METAP1D: variants seen among roughly 807,000 people sequenced by gnomAD.
The protein encoded by METAP1D is methionyl aminopeptidase type 1D, mitochondrial, also known as methionine aminopeptidase 1D, mitochondrial.
Under a neutral mutation model 40.5 loss-of-function variants are expected in METAP1D, and 31 were observed. The ratio of observed to expected loss-of-function variants is 0.77; its 90% confidence interval spans 0.58 to 1.03. The LOEUF is 1.03. METAP1D is among the 50% of genes least tolerant of loss of function. The probability of loss-of-function intolerance (pLI) is 0.00; values close to 1 mark genes in which losing one functional copy is unlikely to be tolerated. For synonymous variants in METAP1D, 151 were observed against 146.4 expected, an observed-to-expected ratio of 1.03 and a Z score of -0.22; for missense variants, 411 against 420.7, an observed-to-expected ratio of 0.98 and a Z score of 0.20.
chr2:172,076,204 A>T (rs1559022658), intron 6 of METAP1D, among the ~76,000 whole-genome samples: 1 of 146,904 alleles, frequency 6.8e-6, no homozygotes, highest in Non-Finnish European at 1.5e-5. Flanking sequence ...AAGAACCTAG[A>T]TTTTTTTTTT....
At chr2:172,006,936 C>G (rs187744538) in intron 1 of METAP1D, among the ~76,000 whole-genome samples, 1 of 152,100 alleles carries the variant, frequency 6.6e-6, no homozygotes, top group African/African-American at 2.4e-5. Context: ...TTGTACATAT[C>G]AGTTCTAGAA....
chr2:172,037,688 T>C (rs542879104), intron 1 of METAP1D, among the ~76,000 whole-genome samples: 1 of 152,336 alleles, frequency 6.6e-6, no homozygotes, highest in South Asian at 2.1e-4. Context: ...GCTCAACAGT[T>C]GAGCTTCACT....
At chr2:172,051,988 A>G (rs1486311839) in intron 1 of METAP1D, among the ~76,000 whole-genome samples, 1 of 152,176 alleles carries the variant, frequency 6.6e-6, no homozygotes, top group African/African-American at 2.4e-5. Flanking sequence ...GATCTTTGTT[A>G]CTGTTTTAGT....
intron 1 of METAP1D, among the ~76,000 whole-genome samples, chr2:172,002,771 A>G (rs1206251441): frequency 1.3e-5 from 2 of 152,126 alleles, no homozygotes; most frequent in Non-Finnish European, 2.9e-5. Context: ...ACCCATCTAG[A>G]TTTATGTAAA....
In METAP1D at chr2:172,061,621, C is replaced by T. The variant is rs199719577; in HGVS notation, c.164C>T (p.Pro55Leu). 2.0e-5 allele frequency: 33 copies of T among 1,612,234 alleles called. No individual in the cohort carries two copies. Among genetic ancestry groups the T allele is most frequent in the South Asian group, 7.7e-5 (7 of 90,614 alleles). ...GATATTTCACACAGTATAGTTTTGC[C>T]GGCTGCAGTTTCTTCAGCTCATCCG... is the stretch of plus-strand genomic sequence containing the variant. ...QRDISHSIVLPAAVSSAHPVP... is the reference protein window; with the variant it reads ...QRDISHSIVLLAAVSSAHPVP... The change falls in exon 2 of 10, where the codon CCG (proline) becomes CTG (leucine). Residue 55 changes from proline (P) to leucine (L), a missense_variant. Coordinates refer to ENST00000315796, the MANE Select transcript of METAP1D (RefSeq NM_199227.3).
chr2:172,006,012 G>T (rs1688571776), intron 1 of METAP1D, among the ~76,000 whole-genome samples: 1 of 151,864 alleles, frequency 6.6e-6, no homozygotes, highest in South Asian at 2.1e-4. Flanking sequence ...TGTTGGTATG[G>T]AATGATGTCC....
intron 1 of METAP1D, among the ~76,000 whole-genome samples, chr2:172,018,032 C>T (rs528135144): frequency 5.5e-4 from 81 of 147,072 alleles, no homozygotes; most frequent in Non-Finnish European, 1.1e-3. Context: ...GAGGCTGAGG[C>T]AGGAGAATCG....
chr2:172,019,965 C>T (rs1461604633), intron 1 of METAP1D, among the ~76,000 whole-genome samples: 1 of 152,116 alleles, frequency 6.6e-6, no homozygotes, highest in South Asian at 2.1e-4. Flanking sequence ...CAAATTCCTC[C>T]TGGCATTCTA....
chr2:172,036,666 G>A (rs987454007), intron 1 of METAP1D, among the ~76,000 whole-genome samples: 6 of 151,810 alleles, frequency 4.0e-5, no homozygotes, highest in Admixed American at 6.6e-5. Flanking sequence ...CACCCGGCCC[G>A]TTTCCACCTT....
At chr2:172,022,946 G>A (rs972649872) in intron 1 of METAP1D, among the ~76,000 whole-genome samples, 1 of 152,120 alleles carries the variant, frequency 6.6e-6, no homozygotes, top group African/African-American at 2.4e-5. Flanking sequence ...CAGCACTTTG[G>A]GAGGCCGAGG....
At chr2:172,026,789 T>C (rs1028230277) in intron 1 of METAP1D, among the ~76,000 whole-genome samples, 6 of 152,204 alleles carry the variant, frequency 3.9e-5, no homozygotes, top group African/African-American at 9.6e-5. Context: ...AAATCACAGT[T>C]GCAGGTAAGT....
chr2:172,053,868 G>A (rs973814870), intron 1 of METAP1D, among the ~76,000 whole-genome samples: 1 of 152,154 alleles, frequency 6.6e-6, no homozygotes. Flanking sequence ...TGCTTCCCTG[G>A]AAACATACAA....
At chr2:172,076,042 T>A (rs896481779) in intron 6 of METAP1D, among the ~76,000 whole-genome samples, 1 of 152,172 alleles carries the variant, frequency 6.6e-6, no homozygotes, top group Non-Finnish European at 1.5e-5. Context: ...ACGAGAGGTA[T>A]GATGGGGGGA....
At chr2:172,017,088 A>T (rs1421746547) in intron 1 of METAP1D, among the ~76,000 whole-genome samples, 1 of 152,010 alleles carries the variant, frequency 6.6e-6, no homozygotes, top group African/African-American at 2.4e-5. Context: ...TGGTTCTTTA[A>T]TTCCCAGATC....
intron 1 of METAP1D, among the ~76,000 whole-genome samples, chr2:172,034,391 A>G (rs912379685): frequency 2.0e-5 from 3 of 149,576 alleles, no homozygotes; most frequent in East Asian, 2.1e-4. Context: ...ATTAGCCTCC[A>G]TAAGTCTCAG....
intron 1 of METAP1D, among the ~76,000 whole-genome samples, chr2:172,015,445 A>C (rs778087812): frequency 3.3e-5 from 5 of 152,050 alleles, no homozygotes; most frequent in Non-Finnish European, 7.4e-5. Flanking sequence ...GATGCTGCCA[A>C]AGATTTAGGT....
chr2:172,057,159 T>A (rs1362367154), intron 1 of METAP1D, among the ~76,000 whole-genome samples: 1 of 152,174 alleles, frequency 6.6e-6, no homozygotes, highest in South Asian at 2.1e-4. Context: ...TGAGCCTTAG[T>A]TCCTCATCTA....
chr2:172,080,242 T>C (rs1690668705), intron 9 of METAP1D, 36 bp downstream of exon 9: 2 of 1,613,790 alleles, frequency 1.2e-6, no homozygotes, highest in Non-Finnish European at 1.7e-6. Flanking sequence ...TTAAATTGTA[T>C]GGGAAAGGAA....
intron 9 of METAP1D, 38 bp from the exon 10 acceptor site, chr2:172,080,290 T>C: frequency 6.2e-7 from 1 of 1,614,106 alleles, no homozygotes; most frequent in Non-Finnish European, 8.5e-7. Context: ...CGGCCGGAGC[T>C]TGCGTGCGCG....
Sources: gnomAD v4.1 joint callset for allele counts (sites outside exome capture counted in the v4.1 genomes callset) on GRCh38, gnomAD v4.1.1 for gene constraint, MANE v1.5 for transcripts, NCBI Gene and HGNC (gene_info 2026-07-23, HGNC 2026-07-21) for gene names.